Variants in HSPG2 observed in about 807,000 individuals in gnomAD.
HSPG2 encodes the protein heparan sulfate proteoglycan 2.
HSPG2 carries 278 observed loss-of-function variants against 526.6 expected under a neutral mutation model. The ratio of observed to expected loss-of-function variants is 0.53; its 90% CI spans 0.48 to 0.58. The LOEUF (loss-of-function observed/expected upper bound fraction) is 0.58, where lower values mean the gene tolerates loss of function less well. HSPG2 is among the 20% of genes least tolerant of loss of function. The pLI is 0.00. For missense variants in HSPG2, 5,354 were observed against 6,099.5 expected, an observed-to-expected ratio of 0.88 and a Z score of 4.07; for synonymous variants, 2,465 against 2,555.4, an observed-to-expected ratio of 0.96 and a Z score of 1.07.
In HSPG2 at chr1:21,839,304, G is replaced by T; in HGVS notation, c.9889+67C>A. On this transcript the variant is annotated intron_variant, in intron 73 of 96. Coordinates refer to ENST00000374695, the MANE Select transcript of HSPG2 (RefSeq NM_005529.7). The surrounding 1 kb of genome is among the most constrained non-coding windows in gnomAD (Gnocchi z 4.5). ...GGATGGGGTTCCTGGGGTTCTGTGT[G>T]GGGTGGAGCCTAGTCGGGGGGCTCA... 1.3e-6 allele frequency: 2 copies of T among 1,563,062 alleles called. No homozygotes were observed. The highest frequency in any genetic ancestry group is 1.7e-5 in the Admixed American group (1 of 59,946).
chr1:21,906,086 A>G (rs993210343), intron 1 of HSPG2, among the ~76,000 whole-genome samples: 1 of 152,258 alleles, frequency 6.6e-6, no homozygotes, highest in Non-Finnish European at 1.5e-5. Flanking sequence ...TAACTTGCCC[A>G]TAGTCACAGG....
rs920243654 is a variant in HSPG2, at chr1:21,824,022, C to T, written c.12899+99G>A. On this transcript the variant is annotated intron_variant, in intron 95 of 96. Transcript: ENST00000374695. This position sits in a 1 kb window ranked among gnomAD's most constrained non-coding sequence, Gnocchi z 5.9. The stretch of plus-strand genomic sequence containing the variant: ...CTCCCCTGGCTTCAAGTTCTGTCTC[C>T]ACAGAGCTCAATACCTGCCTCTCTG... The T allele has an allele frequency of 8.4e-7, 1 of 1,194,580 alleles. No individual in the cohort carries two copies. Among genetic ancestry groups the T allele is most frequent in the Non-Finnish European group, 1.2e-6 (1 of 823,428 alleles). 74.0% of individuals were successfully genotyped at this position (1,194,580 alleles called of 1,614,324 possible).
At position 21,828,337 on chromosome 1, in the gene HSPG2, C is replaced by T. The variant is rs2097985946; in HGVS notation, c.12327G>A (p.Glu4109=). 1 of 1,613,802 alleles carries T rather than the reference C, an allele frequency of 6.2e-7. No homozygotes were observed. Among genetic ancestry groups the T allele is most frequent in the Non-Finnish European group, 8.5e-7 (1 of 1,180,014 alleles). ...TGGCACCATGTTGGCAAGGCTGGCG[C>T]TCACATGGGGAGCTATCATAGCATT... ...IGQCYDSSPC[E]RQPCQHGATC... Residue 4109 remains glutamate, a synonymous_variant, in exon 89 of 97, where the codon GAG becomes GAA. Transcript: ENST00000374695. The surrounding 1 kb of genome is among the most constrained non-coding windows in gnomAD (Gnocchi z 6.0).
Position 21,852,223 on chromosome 1 carries a change from T to C in HSPG2, c.6735A>G (p.Pro2245=). ...IEASVIPGPI[P]PVRIESSSST... Reference sequence around the variant, plus strand: ...AGGATGAAGACTCGATCCTGACAGGTGGGATGGGTCCTGCAGCAGTGGGGA... The same window carrying C: ...AGGATGAAGACTCGATCCTGACAGGCGGGATGGGTCCTGCAGCAGTGGGGA... Residue 2245 remains proline, a synonymous_variant, in exon 53 of 97, where the codon CCA becomes CCG. Transcript: ENST00000374695. 1 of 1,613,856 alleles carries C rather than the reference T, an allele frequency of 6.2e-7. No individual in the cohort carries two copies. Among genetic ancestry groups the C allele is most frequent in the Non-Finnish European group, 8.5e-7 (1 of 1,179,986 alleles).
chr1:21,855,709 G>A lies in HSPG2; in HGVS notation c.5702-34C>T, dbSNP rs115267178. The stretch of plus-strand genomic sequence containing the variant: ...TAGACGTGGGGTCAGCACCCACCAA[G>A]CCTGCTCAGAGTCCTGCCCCTCCCC... On this transcript the variant is annotated intron_variant, in intron 45 of 96. Transcript: ENST00000374695. 480 of 1,592,116 alleles carry A rather than the reference G, an allele frequency of 3.0e-4. 1 individual carries two copies. In the African/African-American group the frequency reaches 5.8e-3, roughly 19 times the overall value.
chr1:21,896,255 G>A lies in HSPG2; in HGVS notation c.119C>T (p.Thr40Ile). Residue 40 changes from threonine (T) to isoleucine (I), a missense_variant, in exon 2 of 97, where the codon ACC (threonine) becomes ATC (isoleucine). Coordinates refer to ENST00000374695, the MANE Select transcript of HSPG2 (RefSeq NM_005529.7). ...CCAGCGCATTTGGCTTGCTGTGACG[G>A]TCTCTATGTCCTCAGGCAGAGACAA... is the stretch of plus-strand genomic sequence containing the variant. ...DGLSLPEDIE[T>I]VTASQMRWTH... 6.2e-7 allele frequency: 1 copy of A among 1,613,944 alleles called. No individual in the cohort carries two copies. The highest frequency in any genetic ancestry group is 2.2e-5 in the East Asian group (1 of 44,840).
rs1572210474 is a variant in HSPG2, at chr1:21,847,602, A to C, written c.8025+87T>G. On this transcript the variant is annotated intron_variant, in intron 61 of 96. Coordinates refer to ENST00000374695, the MANE Select transcript of HSPG2 (RefSeq NM_005529.7). This position sits in a 1 kb window ranked among gnomAD's most constrained non-coding sequence, Gnocchi z 4.1. ...TGTTGAGGCTGCTATCGGTCTACCC[A>C]GGGCCCAATCCGTGAGACAGGGAGC... 1 of 1,605,656 alleles carries C rather than the reference A, an allele frequency of 6.2e-7. No individual in the cohort carries two copies. The highest frequency in any genetic ancestry group is 8.5e-7 in the Non-Finnish European group (1 of 1,174,310).
chr1:21,873,825 C>A, intron 29 of HSPG2, 100 bp downstream of exon 29: 1 of 988,138 alleles, frequency 1.0e-6, no homozygotes. Context: ...GAGCGAGAGG[C>A]ATCCCTGATT....
At position 21,865,665 on chromosome 1, in the gene HSPG2, CT is replaced by C; in HGVS notation, c.4314+51del. ...CAAAGGACAAATGCCGAGGGTGCCC[CT>C]GGCTTCCATCCTGCCCTTCTGCCCA... On this transcript the variant is annotated intron_variant, in intron 34 of 96. Coordinates refer to ENST00000374695, the MANE Select transcript of HSPG2 (RefSeq NM_005529.7). This position sits in a 1 kb window ranked among gnomAD's most constrained non-coding sequence, Gnocchi z 5.4. The C allele has an allele frequency of 2.1e-6, 3 of 1,442,128 alleles. No individual in the cohort carries two copies. Among genetic ancestry groups the C allele is most frequent in the East Asian group, 2.3e-5 (1 of 44,152 alleles). The allele number at this position is 1,442,128 out of a possible 1,614,324, so 89.3% of individuals were successfully genotyped here.
chr1:21,852,596 G>A (rs1055974283), intron 52 of HSPG2, 104 bp downstream of exon 52: 8 of 1,499,960 alleles, frequency 5.3e-6, no homozygotes, highest in East Asian at 2.3e-5. Context: ...AGCCAGCTCC[G>A]GTGTGGGCCT....
At position 21,832,366 on chromosome 1, in the gene HSPG2, C is replaced by CA; in HGVS notation, c.11207+128dup. The CA allele has an allele frequency of 3.9e-6, 3 of 765,178 alleles. No homozygotes were observed. In the Admixed American group the frequency reaches 6.2e-5, roughly 16 times the overall value. 47.4% of individuals were successfully genotyped at this position (765,178 alleles called of 1,614,324 possible). A position where few individuals can be genotyped will look rare whatever the true frequency, so the allele number is the denominator to read the frequency against. On this transcript the variant is annotated intron_variant, in intron 81 of 96. Coordinates refer to ENST00000374695, the MANE Select transcript of HSPG2 (RefSeq NM_005529.7). Reference sequence around the variant, plus strand: ...TTCCTACTCTAGCAGATTGGGTGGTCACCAAGGGTAACGGCCACATTTTCT... The same window carrying CA: ...TTCCTACTCTAGCAGATTGGGTGGTCAACCAAGGGTAACGGCCACATTTTCT...
chr1:21,846,477 G>C lies in HSPG2; in HGVS notation c.8287C>G (p.Arg2763Gly). 8 of 1,613,690 alleles carry C rather than the reference G, an allele frequency of 5.0e-6. No homozygotes were observed. The highest frequency in any genetic ancestry group is 6.8e-6 in the Non-Finnish European group (8 of 1,180,050). Residue 2763 changes from arginine (R) to glycine (G), a missense_variant, in exon 63 of 97, where the codon CGT becomes GGT. Physicochemically the swap from Arg to Gly is moderately radical, Grantham distance 125. Coordinates refer to ENST00000374695, the MANE Select transcript of HSPG2 (RefSeq NM_005529.7). ...TGGTGACTGGGGAGGCTGCCCCCAC[G>C]CTTGTGCCAAGTGACCTGGGCATGG... ...QAHAQVTWHKRGGSLPSHHQT... is the reference protein window; with the variant it reads ...QAHAQVTWHKGGGSLPSHHQT...
Position 21,831,261 on chromosome 1 carries a change from G to A in HSPG2, c.11516C>T (p.Ala3839Val), listed in dbSNP as rs148456372. The A allele has an allele frequency of 5.4e-5, 87 of 1,613,910 alleles. No homozygotes were observed. The highest frequency in any genetic ancestry group is 8.9e-5 in the East Asian group (4 of 44,882). ...GGTGGGGCAGTGGGAGATGCCGTGC[G>A]CCGTGAGGTTGAGGTCATGGAAGAC... Reference protein sequence around the residue: ...EIVFHDLNLTAHGISHCPTCR... With the variant: ...EIVFHDLNLTVHGISHCPTCR... The change falls in exon 84 of 97, where the codon GCG (alanine) becomes GTG (valine). Residue 3839 changes from alanine to valine, a missense_variant. Ala to Val is a moderately conservative substitution (Grantham distance 64). Coordinates refer to ENST00000374695, the MANE Select transcript of HSPG2 (RefSeq NM_005529.7).
At chr1:21,927,385 G>A (rs919933405) in intron 1 of HSPG2, among the ~76,000 whole-genome samples, 13 of 152,088 alleles carry the variant, frequency 8.5e-5, no homozygotes, top group African/African-American at 2.2e-4. Flanking sequence ...CTGAGGCCAC[G>A]GGAGCCAGAT....
In HSPG2 at chr1:21,890,099, C is replaced by T. The variant is rs575330207; in HGVS notation, c.456G>A (p.Ser152=). The change falls in exon 6 of 97, where the codon TCG becomes TCA. Residue 152 remains serine (S), a synonymous_variant. Transcript: ENST00000374695. The surrounding 1 kb of genome is among the most constrained non-coding windows in gnomAD (Gnocchi z 4.1). ...GWVFVELDVG[S]EGNADGAQIQ... is the part of the protein sequence containing the mutation. ...TCTGAGCCCCATCCGCATTCCCTTC[C>T]GAGCCCACATCCAGCTCCACAAAAA... is the stretch of plus-strand genomic sequence containing the variant. The T allele has an allele frequency of 9.2e-5, 149 of 1,614,078 alleles. 1 individual carries two copies. In the South Asian group the frequency reaches 1.4e-3, roughly 16 times the overall value.
chr1:21,842,962 G>C, intron 66 of HSPG2, 41 bp from the exon 67 acceptor site: 1 of 1,612,232 alleles, frequency 6.2e-7, no homozygotes, highest in Non-Finnish European at 8.5e-7. Flanking sequence ...CAGGCTCCGG[G>C]GATCAAGGCA....
intron 1 of HSPG2, among the ~76,000 whole-genome samples, chr1:21,906,180 C>T (rs138572561): frequency 3.9e-5 from 6 of 152,238 alleles, no homozygotes; most frequent in Non-Finnish European, 5.9e-5. Flanking sequence ...GCCGATGATG[C>T]CTGGGACTTT....
chr1:21,887,189 C>CAGGG lies in HSPG2; in HGVS notation c.1078+25_1078+26insCCCT, dbSNP rs1390101295. 6.3e-7 allele frequency: 1 copy of CAGGG among 1,598,588 alleles called. No homozygotes were observed. The highest frequency in any genetic ancestry group is 1.3e-5 in the African/African-American group (1 of 74,246). On this transcript the variant is annotated intron_variant, in intron 9 of 96. Coordinates refer to ENST00000374695, the MANE Select transcript of HSPG2 (RefSeq NM_005529.7). The surrounding 1 kb of genome is among the most constrained non-coding windows in gnomAD (Gnocchi z 5.0). ...AAGCGGCCTGGGCAGGGCAAGGGGG[C>CAGGG]CTCAGCTGGACCCTCGGATACTCAC...
Position 21,898,591 on chromosome 1 carries a change from G to GT in HSPG2, c.64-2282dup, listed in dbSNP as rs1400718138. 7.2e-5 allele frequency among the ~76,000 whole-genome samples: 11 copies of GT among 152,236 alleles called. No individual in the cohort carries two copies. Among genetic ancestry groups the GT allele is most frequent in the Non-Finnish European group, 1.6e-4 (11 of 68,044 alleles). ...ATTCCCACAGTCCCTGGTTAGAACC[G>GT]TAAGACCAGCCCCTACCAGGCGCTC... is the stretch of plus-strand genomic sequence containing the variant. On this transcript the variant is annotated intron_variant, in intron 1 of 96. Transcript: ENST00000374695. This position sits in a 1 kb window ranked among gnomAD's most constrained non-coding sequence, Gnocchi z 4.0.
Sources: allele counts gnomAD v4.1 joint callset (sites outside exome capture counted in the v4.1 genomes callset), GRCh38; gene constraint gnomAD v4.1.1; non-coding constraint Gnocchi (gnomAD v3.1); transcripts MANE v1.5; gene names NCBI Gene and HGNC (gene_info 2026-07-23, HGNC 2026-07-21).